The following ARMH3 variants were observed in gnomAD, a reference collection of about 807,000 sequenced individuals.
ARMH3 encodes the protein armadillo like helical domain containing 3.
In ARMH3, 60 loss-of-function variants were observed where a neutral mutation model predicts 99.1. That is an observed-to-expected ratio of 0.61 (90% CI 0.49 to 0.75). The LOEUF is 0.75. ARMH3 is among the 30% of genes least tolerant of loss of function. The probability of loss-of-function intolerance (pLI) is 0.00; values close to 1 mark genes in which losing one functional copy is unlikely to be tolerated. For missense variants in ARMH3, 679 were observed against 843.1 expected, an observed-to-expected ratio of 0.81 and a Z score of 2.41; for synonymous variants, 285 against 292.8, an observed-to-expected ratio of 0.97 and a Z score of 0.27.
chr10:101,924,598 G>A (rs947988631), intron 23 of ARMH3, among the ~76,000 whole-genome samples: 3 of 151,364 alleles, frequency 2.0e-5, no homozygotes, highest in Non-Finnish European at 4.4e-5. Flanking sequence ...CTCGTGATCT[G>A]CCCACCTCGG....
At chr10:102,001,214 C>T (rs2066354813) in intron 15 of ARMH3, among the ~76,000 whole-genome samples, 2 of 151,940 alleles carry the variant, frequency 1.3e-5, no homozygotes, top group South Asian at 4.2e-4. Flanking sequence ...ATATACTTTA[C>T]CACAATAAAA....
intron 6 of ARMH3, among the ~76,000 whole-genome samples, chr10:102,024,657 A>C (rs1211514206): frequency 1.4e-5 from 2 of 138,488 alleles, no homozygotes; most frequent in Non-Finnish European, 3.2e-5. Flanking sequence ...CTAAAAGTAC[A>C]AAAAAAAAAA....
At chr10:101,901,952 A>G (rs1480190823) in intron 23 of ARMH3, among the ~76,000 whole-genome samples, 3 of 152,186 alleles carry the variant, frequency 2.0e-5, no homozygotes, top group Non-Finnish European at 2.9e-5. Flanking sequence ...ATTACTAGGG[A>G]ACATCGCTTT....
chr10:102,007,656 TAAAAAAAAAAAA>T (rs961346897), intron 13 of ARMH3, among the ~76,000 whole-genome samples: 5 of 54,978 alleles, frequency 9.1e-5, no homozygotes, highest in South Asian at 1.3e-3. Flanking sequence ...CTGTCTCTAC[TAAAAAAAAAAAA>T]AAAAAAAAAA....
rs1287585107 is a variant in ARMH3 at position 101,926,469 on chromosome 10, T to G, written c.1781+13394A>C. 4.6e-5 allele frequency among the ~76,000 whole-genome samples: 7 copies of G among 152,318 alleles called. No individual in the cohort carries two copies. In the East Asian group the frequency reaches 5.8e-4, roughly 13 times the overall value. ...CACCACATGCAGCCAAACATGAGAATTTAGAGTGATTGAATATCTGAGTTA... is the reference window on the plus strand; with the variant it reads ...CACCACATGCAGCCAAACATGAGAAGTTAGAGTGATTGAATATCTGAGTTA... On this transcript the variant is annotated intron_variant, in intron 23 of 25. Coordinates refer to ENST00000370033, the MANE Select transcript of ARMH3 (RefSeq NM_024541.3).
chr10:101,973,359 CAAAAAAA>C (rs56712768), intron 20 of ARMH3, among the ~76,000 whole-genome samples: 15 of 80,158 alleles, frequency 1.9e-4, no homozygotes, highest in Admixed American at 6.5e-4. Flanking sequence ...GACTCCGTCT[CAAAAAAA>C]AAAAAAAAAA....
chr10:101,869,401 C>T (rs557260771), intron 24 of ARMH3, among the ~76,000 whole-genome samples: 2 of 152,270 alleles, frequency 1.3e-5, no homozygotes, highest in South Asian at 4.2e-4. Flanking sequence ...GGATTGTAAT[C>T]ACACTGAGTA....
intron 19 of ARMH3, among the ~76,000 whole-genome samples, chr10:101,977,468 T>C (rs1399293188): frequency 6.6e-6 from 1 of 152,120 alleles, no homozygotes; most frequent in Non-Finnish European, 1.5e-5. Flanking sequence ...GCAAACTACA[T>C]GGGAAATTAC....
At chr10:101,982,030 A>AAAAC (rs1846256492) in intron 19 of ARMH3, among the ~76,000 whole-genome samples, 4 of 150,916 alleles carry the variant, frequency 2.7e-5, no homozygotes, top group Admixed American at 2.6e-4. Flanking sequence ...TCAAAAAAAA[A>AAAAC]AAAAAAAAAA....
intron 24 of ARMH3, among the ~76,000 whole-genome samples, chr10:101,876,741 G>A (rs997949403): frequency 6.6e-6 from 1 of 152,156 alleles, no homozygotes; most frequent in Non-Finnish European, 1.5e-5. Flanking sequence ...CCTGAGGGAA[G>A]ATGTTGCAGT....
intron 1 of ARMH3, among the ~76,000 whole-genome samples, chr10:102,044,644 G>A (rs925592724): frequency 2.6e-5 from 4 of 152,054 alleles, no homozygotes; most frequent in African/African-American, 7.2e-5. Flanking sequence ...AATTGCAGGC[G>A]TGAGCCACTG....
chr10:101,944,314 A>G (rs1340909835), intron 22 of ARMH3, among the ~76,000 whole-genome samples: 2 of 127,938 alleles, frequency 1.6e-5, no homozygotes, highest in Non-Finnish European at 3.3e-5. Context: ...AGAGAGAGAG[A>G]GAGAGAGAGA....
At chr10:102,032,342 G>T (rs1384487092) in intron 4 of ARMH3, among the ~76,000 whole-genome samples, 2 of 152,150 alleles carry the variant, frequency 1.3e-5, no homozygotes, top group African/African-American at 4.8e-5. Flanking sequence ...TGAATTTTAT[G>T]ATCATGCCAC....
At chr10:102,027,142 G>A (rs1170346069) in intron 5 of ARMH3, among the ~76,000 whole-genome samples, 1 of 152,076 alleles carries the variant, frequency 6.6e-6, no homozygotes, top group African/African-American at 2.4e-5. Context: ...AGCTGAGTGT[G>A]GTGGCGCATG....
At chr10:102,041,092 T>TA (rs1554897241) in intron 1 of ARMH3, among the ~76,000 whole-genome samples, 8 of 116,176 alleles carry the variant, frequency 6.9e-5, no homozygotes, top group African/African-American at 2.2e-4. Flanking sequence ...ATATATATAA[T>TA]ATATATATAT....
intron 23 of ARMH3, among the ~76,000 whole-genome samples, chr10:101,891,609 C>T (rs2067693246): frequency 6.6e-6 from 1 of 152,072 alleles, no homozygotes; most frequent in Non-Finnish European, 1.5e-5. Flanking sequence ...CCTGGCACAG[C>T]AAGAGGACAT....
intron 24 of ARMH3, among the ~76,000 whole-genome samples, chr10:101,871,418 A>C (rs564068754): frequency 5.3e-5 from 8 of 152,376 alleles, no homozygotes; most frequent in African/African-American, 1.7e-4. Flanking sequence ...TTCAAGATTT[A>C]TTATAGACAT....
At chr10:101,847,698 G>A (rs981976780) in intron 25 of ARMH3, 78 bp from the exon 26 acceptor site, 7 of 1,300,418 alleles carry the variant, frequency 5.4e-6, no homozygotes, top group African/African-American at 2.9e-5. Flanking sequence ...AAACGGCAGA[G>A]GACAGTGCCT....
chr10:102,045,542 T>C (rs1590233127), intron 1 of ARMH3, among the ~76,000 whole-genome samples: 1 of 152,238 alleles, frequency 6.6e-6, no homozygotes, highest in Non-Finnish European at 1.5e-5. Context: ...AAGATTTGAA[T>C]GCACTTGGCG....
Sources: gnomAD v4.1 joint callset for allele counts (sites outside exome capture counted in the v4.1 genomes callset) on GRCh38, gnomAD v4.1.1 for gene constraint, MANE v1.5 for transcripts, NCBI Gene and HGNC (gene_info 2026-07-23, HGNC 2026-07-21) for gene names.